Variants in TAS2R1 observed in about 807,000 individuals in gnomAD.
TAS2R1 encodes taste 2 receptor member 1, also known as taste receptor type 2 member 1.
For synonymous variants in TAS2R1, 141 were observed against 134.2 expected (o/e 1.05, Z -0.35); for missense variants, 370 against 353.4 (o/e 1.05, Z -0.38).
At chr5:9,677,252 T>C (rs1392694679) in intron 1 of TAS2R1, among the ~76,000 whole-genome samples, 3 of 151,858 alleles carry the variant, frequency 2.0e-5, no homozygotes, top group Non-Finnish European at 4.4e-5. Context: ...ATAACACCTA[T>C]TGGAGGGTGA....
chr5:9,654,393 TA>T (rs1051372565), intron 2 of TAS2R1, among the ~76,000 whole-genome samples: 5 of 152,058 alleles, frequency 3.3e-5, no homozygotes, highest in African/African-American at 9.7e-5. Context: ...CCTTTACTTA[TA>T]AAAAATAGCA....
At chr5:9,748,422 G>A in the TAS2R1 span, among the ~76,000 whole-genome samples, 13 of 152,274 alleles carry the variant, frequency 8.5e-5, no homozygotes, top group Admixed American at 3.9e-4. Flanking sequence ...TCTATTTACT[G>A]TAGCTATAAC....
At chr5:9,788,528 G>C in the TAS2R1 span, among the ~76,000 whole-genome samples, 1 of 152,062 alleles carries the variant, frequency 6.6e-6, no homozygotes, top group East Asian at 1.9e-4. Flanking sequence ...CTAATTCCTA[G>C]AATTTAAAGA....
chr5:9,652,888 TATC>T (rs1740334208), intron 2 of TAS2R1, among the ~76,000 whole-genome samples: 1 of 152,188 alleles, frequency 6.6e-6, no homozygotes, highest in African/African-American at 2.4e-5. Context: ...AAAATACACA[TATC>T]ATAAAAATTG....
chr5:9,757,517 C>T, the TAS2R1 span, among the ~76,000 whole-genome samples: 1 of 152,130 alleles, frequency 6.6e-6, no homozygotes, highest in Non-Finnish European at 1.5e-5. Context: ...GTCACAGCCA[C>T]CCCTTTTACA....
At chr5:9,707,750 C>G (rs1234393680) in intron 1 of TAS2R1, among the ~76,000 whole-genome samples, 1 of 151,132 alleles carries the variant, frequency 6.6e-6, no homozygotes. Context: ...CTCCCCCAAG[C>G]TTTTGTTCTG....
chr5:9,862,352 C>G, the TAS2R1 span, among the ~76,000 whole-genome samples: 1 of 152,166 alleles, frequency 6.6e-6, no homozygotes, highest in Non-Finnish European at 1.5e-5. Flanking sequence ...TGGCATGAAG[C>G]AGAGAGCTAG....
chr5:9,640,926 C>T (rs1740069763), intron 2 of TAS2R1, among the ~76,000 whole-genome samples: 1 of 152,124 alleles, frequency 6.6e-6, no homozygotes, highest in Non-Finnish European at 1.5e-5. Flanking sequence ...CCTGGAGAAC[C>T]CAGACCATGA....
the TAS2R1 span, among the ~76,000 whole-genome samples, chr5:9,772,195 C>A: frequency 1.3e-5 from 2 of 151,874 alleles, no homozygotes; most frequent in African/African-American, 4.8e-5. Flanking sequence ...GGTTTTGGTA[C>A]GTTATATTGC....
At chr5:9,759,168 A>C in the TAS2R1 span, among the ~76,000 whole-genome samples, 1 of 152,216 alleles carries the variant, frequency 6.6e-6, no homozygotes, top group Non-Finnish European at 1.5e-5. Context: ...TTTGATTTTT[A>C]TAATTGTCAA....
At chr5:9,800,226 G>A in the TAS2R1 span, among the ~76,000 whole-genome samples, 12 of 152,188 alleles carry the variant, frequency 7.9e-5, no homozygotes, top group South Asian at 2.1e-4. Flanking sequence ...AGCCCCTAAC[G>A]ACAAAATTAC....
chr5:9,785,996 C>T, the TAS2R1 span, among the ~76,000 whole-genome samples: 2 of 152,182 alleles, frequency 1.3e-5, no homozygotes, highest in Non-Finnish European at 2.9e-5. Flanking sequence ...AAAGTTTTAG[C>T]AATCCATGAC....
At chr5:9,835,317 C>T in the TAS2R1 span, among the ~76,000 whole-genome samples, 1 of 152,132 alleles carries the variant, frequency 6.6e-6, no homozygotes, top group African/African-American at 2.4e-5. Context: ...CCCTTGTGTC[C>T]CCACATTCAT....
chr5:9,759,942 A>G, the TAS2R1 span, among the ~76,000 whole-genome samples: 1 of 152,176 alleles, frequency 6.6e-6, no homozygotes, highest in African/African-American at 2.4e-5. Flanking sequence ...ATATAAATAA[A>G]CTTGGTAAAT....
At chr5:9,646,353 G>A (rs755966650) in intron 2 of TAS2R1, among the ~76,000 whole-genome samples, 11 of 152,066 alleles carry the variant, frequency 7.2e-5, no homozygotes, top group Non-Finnish European at 1.2e-4. Context: ...ATTCCAAACC[G>A]AACAGAATGT....
At chr5:9,777,615 T>C in the TAS2R1 span, among the ~76,000 whole-genome samples, 21 of 152,242 alleles carry the variant, frequency 1.4e-4, no homozygotes, top group African/African-American at 4.6e-4. Flanking sequence ...CCTCTTTCCA[T>C]GAATCACAAG....
At chr5:9,639,874 T>C (rs1215580849) in intron 2 of TAS2R1, among the ~76,000 whole-genome samples, 1 of 152,234 alleles carries the variant, frequency 6.6e-6, no homozygotes, top group Non-Finnish European at 1.5e-5. Context: ...TAAGGAAATG[T>C]TGTGGCTGGT....
the TAS2R1 span, among the ~76,000 whole-genome samples, chr5:9,808,451 T>C: frequency 3.9e-5 from 6 of 152,024 alleles, no homozygotes; most frequent in Non-Finnish European, 7.4e-5. Flanking sequence ...GAAGGAATTG[T>C]TGAGTAAAAA....
chr5:9,848,248 G>A, the TAS2R1 span, among the ~76,000 whole-genome samples: 1 of 152,176 alleles, frequency 6.6e-6, no homozygotes, highest in Admixed American at 6.5e-5. Context: ...ACCCATCTCA[G>A]CAACGCTTCT....
Sources: gnomAD v4.1 joint callset for allele counts (sites outside exome capture counted in the v4.1 genomes callset) on GRCh38, gnomAD v4.1.1 for gene constraint, MANE v1.5 for transcripts, NCBI Gene and HGNC (gene_info 2026-07-23, HGNC 2026-07-21) for gene names.